The following MACROD2 variants were observed in gnomAD, a reference collection of about 807,000 sequenced individuals.
MACROD2 encodes the protein ADP-ribose glycohydrolase MACROD2.
Under a neutral mutation model 70.4 loss-of-function variants are expected in MACROD2, and 36 were observed. The observed-to-expected ratio is 0.51, with a 90% CI of 0.39 to 0.68. MACROD2 has a LOEUF of 0.68. Ranked by LOEUF, MACROD2 falls within the 30% of genes least tolerant of loss-of-function variation. The pLI is 0.00. For missense variants in MACROD2, 496 were observed against 538.4 expected, an observed-to-expected ratio of 0.92 and a Z score of 0.78; for synonymous variants, 172 against 178.8, an observed-to-expected ratio of 0.96 and a Z score of 0.30.
At chr20:15,220,738 A>G (rs1461786045) in intron 5 of MACROD2, among the ~76,000 whole-genome samples, 1 of 152,162 alleles carries the variant, frequency 6.6e-6, no homozygotes, top group South Asian at 2.1e-4. Flanking sequence ...TCCATGAGAA[A>G]CTATTTCATA....
At chr20:15,184,648 C>T (rs556442048) in intron 5 of MACROD2, among the ~76,000 whole-genome samples, 94 of 152,228 alleles carry the variant, frequency 6.2e-4, no homozygotes, top group African/African-American at 2.2e-3. Context: ...TGAGAGTGGC[C>T]TTCACAGCTT....
chr20:15,412,716 A>T (rs955011545), intron 6 of MACROD2, among the ~76,000 whole-genome samples: 1 of 152,214 alleles, frequency 6.6e-6, no homozygotes, highest in African/African-American at 2.4e-5. Flanking sequence ...GAGCTCTCTC[A>T]TGATCAGTTC....
rs556087277 is a variant in MACROD2, at chr20:14,044,069, A to G, written c.164-41552A>G. 4.6e-5 allele frequency among the ~76,000 whole-genome samples: 7 copies of G among 152,338 alleles called. No homozygotes were observed. In the East Asian group the frequency reaches 1.4e-3, roughly 29 times the overall value. The stretch of plus-strand genomic sequence containing the variant: ...TCACTGACTTCAAGAATGAAGCCAC[A>G]GACCCTCGCGGTGAGTGTTACAGTT... On this transcript the variant is annotated intron_variant, in intron 2 of 17. Transcript: ENST00000684519.
chr20:14,224,386 T>C (rs2081712560), intron 3 of MACROD2, among the ~76,000 whole-genome samples: 1 of 152,190 alleles, frequency 6.6e-6, no homozygotes, highest in African/African-American at 2.4e-5. Flanking sequence ...GATCATACCA[T>C]TAGCTTCAGT....
In MACROD2 at chr20:15,155,680, G is replaced by A. The variant is rs2076302079; in HGVS notation, c.419-74260G>A. On this transcript the variant is annotated intron_variant, in intron 5 of 17. Coordinates refer to ENST00000684519, the MANE Select transcript of MACROD2 (RefSeq NM_001351661.2). Reference sequence around the variant, plus strand: ...CAGGAGCTCCCTGAGTGTAGGAACAGTGGTTTTATCACCATGGGATCCCTA... The same window carrying A: ...CAGGAGCTCCCTGAGTGTAGGAACAATGGTTTTATCACCATGGGATCCCTA... Among the ~76,000 whole-genome samples, 7 of 152,126 alleles carry A rather than the reference G, an allele frequency of 4.6e-5. No individual in the cohort carries two copies. In the South Asian group the frequency reaches 1.4e-3, roughly 32 times the overall value.
intron 5 of MACROD2, chr20:14,894,076 A>G (rs533847605): frequency 9.2e-5 from 14 of 151,954 alleles, no homozygotes; most frequent in Non-Finnish European, 1.9e-4. Context: ...ATGAGCCACC[A>G]TGTCTGGCTG....
chr20:15,506,930 A>G (rs780529740), intron 8 of MACROD2, among the ~76,000 whole-genome samples: 6 of 152,190 alleles, frequency 3.9e-5, no homozygotes, highest in African/African-American at 7.2e-5. Context: ...TTTTGGTGGA[A>G]TTTAGTGTTA....
chr20:14,169,273 T>C (rs2081197339), intron 3 of MACROD2, among the ~76,000 whole-genome samples: 1 of 152,026 alleles, frequency 6.6e-6, no homozygotes, highest in South Asian at 2.1e-4. Flanking sequence ...AATTAAACTT[T>C]TTCTCCAATA....
intron 15 of MACROD2, among the ~76,000 whole-genome samples, chr20:16,033,775 C>T (rs1294579235): frequency 6.6e-6 from 1 of 151,208 alleles, no homozygotes; most frequent in Non-Finnish European, 1.5e-5. Context: ...AAACTTCATC[C>T]CCTTTCACTA....
At position 15,288,546 on chromosome 20, in the gene MACROD2, A is replaced by T. The variant is rs964022991; in HGVS notation, c.540+58485A>T. 1.2e-4 allele frequency among the ~76,000 whole-genome samples: 18 copies of T among 152,190 alleles called. 1 individual carries two copies. Among genetic ancestry groups the T allele is most frequent in the Non-Finnish European group, 2.2e-4 (15 of 68,018 alleles). ...CCCTTATTAAGTGTGGGCAGTTACC[A>T]TCTAATTGGTCGAAGGCTTAGATAG... On this transcript the variant is annotated intron_variant, in intron 6 of 17. Coordinates refer to ENST00000684519, the MANE Select transcript of MACROD2 (RefSeq NM_001351661.2).
intron 7 of MACROD2, among the ~76,000 whole-genome samples, chr20:15,437,726 T>C (rs1041446725): frequency 2.0e-5 from 3 of 152,216 alleles, no homozygotes; most frequent in African/African-American, 7.2e-5. Context: ...TATTTAGCTT[T>C]CACTTATAAG....
intron 6 of MACROD2, among the ~76,000 whole-genome samples, chr20:15,397,260 T>A (rs991959269): frequency 6.6e-6 from 1 of 152,176 alleles, no homozygotes; most frequent in Non-Finnish European, 1.5e-5. Flanking sequence ...TAGATACTAT[T>A]TTAGCTTCTT....
intron 8 of MACROD2, among the ~76,000 whole-genome samples, chr20:15,860,904 G>A (rs1444995828): frequency 6.6e-6 from 1 of 152,184 alleles, no homozygotes; most frequent in East Asian, 1.9e-4. Context: ...CTCCACTGAA[G>A]GGGCATGAAG....
chr20:14,831,910 A>T (rs1277084673), intron 5 of MACROD2, among the ~76,000 whole-genome samples: 1 of 144,522 alleles, frequency 6.9e-6, no homozygotes, highest in South Asian at 2.4e-4. Flanking sequence ...ACGTTTGGTG[A>T]TTGTTATGTT....
chr20:15,478,846 G>A (rs999881739), intron 7 of MACROD2, among the ~76,000 whole-genome samples: 1 of 152,192 alleles, frequency 6.6e-6, no homozygotes, highest in African/African-American at 2.4e-5. Flanking sequence ...TAGTTTGGTT[G>A]CAAGGTGGCT....
chr20:15,169,148 A>G (rs1485617448), intron 5 of MACROD2, among the ~76,000 whole-genome samples: 1 of 152,184 alleles, frequency 6.6e-6, no homozygotes, highest in Non-Finnish European at 1.5e-5. Flanking sequence ...ATTGGTTAAA[A>G]GGGTACATTT....
intron 5 of MACROD2, among the ~76,000 whole-genome samples, chr20:15,191,293 A>G (rs1043393109): frequency 1.3e-5 from 2 of 152,124 alleles, no homozygotes; most frequent in African/African-American, 4.8e-5. Context: ...ATTCACATCT[A>G]TGCACTTCTG....
chr20:14,439,830 T>A (rs1454856172), intron 3 of MACROD2, among the ~76,000 whole-genome samples: 1 of 152,204 alleles, frequency 6.6e-6, no homozygotes, highest in Non-Finnish European at 1.5e-5. Context: ...TTTTTTGTTT[T>A]GTTTTGTTTT....
intron 5 of MACROD2, among the ~76,000 whole-genome samples, chr20:14,998,540 T>G (rs1402800524): frequency 2.0e-5 from 3 of 151,920 alleles, no homozygotes; most frequent in Non-Finnish European, 4.4e-5. Flanking sequence ...AAAGAATTAG[T>G]GAACTTGAAG....
Sources: allele counts gnomAD v4.1 joint callset (sites outside exome capture counted in the v4.1 genomes callset), GRCh38; gene constraint gnomAD v4.1.1; transcripts MANE v1.5; gene names NCBI Gene and HGNC (gene_info 2026-07-23, HGNC 2026-07-21).